Variants in TYR observed in about 807,000 individuals in gnomAD.
TYR encodes the protein LB24-AB.
In TYR, 58 loss-of-function variants were observed where a neutral mutation model predicts 51.5. The observed-to-expected ratio is 1.13, with a 90% confidence interval of 0.91 to 1.40. The LOEUF is 1.40. TYR is among the 40% of genes most tolerant of loss of function. The pLI is 0.00. For synonymous variants in TYR, 263 were observed against 235.2 expected (o/e 1.12, Z -1.08); for missense variants, 732 against 647.4 (o/e 1.13, Z -1.42).
At chr11:89,207,274 A>G (rs540366861) in intron 2 of TYR, among the ~76,000 whole-genome samples, 1 of 152,298 alleles carries the variant, frequency 6.6e-6, no homozygotes, top group South Asian at 2.1e-4. Flanking sequence ...AATATCAAGA[A>G]TCAAAAAAGG....
rs1328940863 is a variant in TYR at position 89,285,829 on chromosome 11, A to G, written c.1366+875A>G. On this transcript the variant is annotated intron_variant, in intron 4 of 4. Transcript: ENST00000263321. Reference sequence around the variant, plus strand: ...GTCCTCCTCATCTCACCGCACTGTAATTCACCTAACGCATGAGGGTTAATT... The same window carrying G: ...GTCCTCCTCATCTCACCGCACTGTAGTTCACCTAACGCATGAGGGTTAATT... Among the ~76,000 whole-genome samples, 3 of 151,968 alleles carry G rather than the reference A, an allele frequency of 2.0e-5. No homozygotes were observed. The East Asian group carries it at 5.8e-4, about 30-fold the overall frequency.
chr11:89,239,762 G>A (rs1238020472), intron 3 of TYR, among the ~76,000 whole-genome samples: 2 of 151,892 alleles, frequency 1.3e-5, no homozygotes, highest in African/African-American at 4.8e-5. Flanking sequence ...TTCTCTAAAG[G>A]TTTTAAATTT....
chr11:89,187,856 T>C (rs898966726), intron 1 of TYR, among the ~76,000 whole-genome samples: 1 of 151,962 alleles, frequency 6.6e-6, no homozygotes, highest in Non-Finnish European at 1.5e-5. Flanking sequence ...TATATTTTGA[T>C]AGAGTTTATC....
chr11:89,192,993 T>A (rs1943466315), intron 2 of TYR, among the ~76,000 whole-genome samples: 5 of 152,136 alleles, frequency 3.3e-5, no homozygotes, highest in African/African-American at 9.7e-5. Flanking sequence ...GTTGAGAGTT[T>A]CTTTAAAGTG....
At chr11:89,236,656 A>C (rs1220804812) in intron 3 of TYR, among the ~76,000 whole-genome samples, 1 of 152,120 alleles carries the variant, frequency 6.6e-6, no homozygotes, top group African/African-American at 2.4e-5. Flanking sequence ...ATGAAGACTC[A>C]TTTTTCCGAT....
chr11:89,228,035 G>A (rs1041543440), intron 3 of TYR, 65 bp downstream of exon 3: 3 of 1,578,488 alleles, frequency 1.9e-6, no homozygotes, highest in Non-Finnish European at 2.6e-6. Flanking sequence ...CCTATCAAAT[G>A]TGATTTAAGT....
intron 3 of TYR, among the ~76,000 whole-genome samples, chr11:89,277,669 G>T (rs1233043060): frequency 2.0e-5 from 3 of 151,640 alleles, no homozygotes; most frequent in Non-Finnish European, 3.0e-5. Context: ...TTCTTCAGGG[G>T]TTTCTGCATC....
intron 2 of TYR, among the ~76,000 whole-genome samples, chr11:89,199,965 G>A (rs1485226330): frequency 6.6e-6 from 1 of 152,270 alleles, no homozygotes; most frequent in East Asian, 1.9e-4. Context: ...CAGGCATTAA[G>A]ACATATAGAC....
intron 1 of TYR, among the ~76,000 whole-genome samples, chr11:89,182,349 C>T (rs1214392724): frequency 6.6e-6 from 1 of 152,148 alleles, no homozygotes; most frequent in East Asian, 1.9e-4. Flanking sequence ...CCATTCACTG[C>T]AGTTTTTTTA....
At chr11:89,273,024 C>T (rs112146461) in intron 3 of TYR, among the ~76,000 whole-genome samples, 9 of 151,872 alleles carry the variant, frequency 5.9e-5, no homozygotes, top group African/African-American at 1.7e-4. Flanking sequence ...TTCTTCATAT[C>T]GGCAATAAGG....
intron 4 of TYR, among the ~76,000 whole-genome samples, chr11:89,286,675 T>C (rs1369220651): frequency 1.3e-5 from 2 of 151,948 alleles, no homozygotes; most frequent in East Asian, 3.9e-4. Context: ...ATTGAACTTT[T>C]CTGCTTTATC....
chr11:89,285,036 G>C, intron 4 of TYR, 82 bp downstream of exon 4: 1 of 1,203,120 alleles, frequency 8.3e-7, no homozygotes, highest in Non-Finnish European at 1.2e-6. Flanking sequence ...TTTATGCTTC[G>C]ACAATGTTAT....
chr11:89,224,790 A>G lies in TYR; in HGVS notation c.1037-3033A>G, dbSNP rs1026116743. On this transcript the variant is annotated intron_variant, in intron 2 of 4. Coordinates refer to ENST00000263321, the MANE Select transcript of TYR (RefSeq NM_000372.5). ...CCGAAACATTGGTGCTAGTGTTGCCAACATGTATAACTTTAATTACTAGGC... is the reference window on the plus strand; with the variant it reads ...CCGAAACATTGGTGCTAGTGTTGCCGACATGTATAACTTTAATTACTAGGC... Among the ~76,000 whole-genome samples, 3 of 152,190 alleles carry G rather than the reference A, an allele frequency of 2.0e-5. No homozygotes were observed. In the East Asian group the frequency reaches 5.8e-4, roughly 29 times the overall value.
At chr11:89,264,012 G>A (rs1285930792) in intron 3 of TYR, among the ~76,000 whole-genome samples, 1 of 152,006 alleles carries the variant, frequency 6.6e-6, no homozygotes, top group Non-Finnish European at 1.5e-5. Flanking sequence ...TGCTCTTAAT[G>A]TTGTAGTAGA....
intron 2 of TYR, among the ~76,000 whole-genome samples, chr11:89,204,083 C>A (rs764066593): frequency 6.6e-6 from 1 of 152,208 alleles, no homozygotes; most frequent in Non-Finnish European, 1.5e-5. Flanking sequence ...ACCTGCAATT[C>A]TATCCCCACC....
At chr11:89,187,146 G>C (rs1943385565) in intron 1 of TYR, among the ~76,000 whole-genome samples, 2 of 152,120 alleles carry the variant, frequency 1.3e-5, no homozygotes, top group South Asian at 4.1e-4. Context: ...ACTATAGACT[G>C]AGACTGTGGG....
At chr11:89,240,975 A>C (rs1318223645) in intron 3 of TYR, among the ~76,000 whole-genome samples, 1 of 152,224 alleles carries the variant, frequency 6.6e-6, no homozygotes, top group Admixed American at 6.5e-5. Flanking sequence ...TGGGGTTGAA[A>C]AGTTTGAGAA....
intron 1 of TYR, among the ~76,000 whole-genome samples, chr11:89,188,288 T>G (rs903750618): frequency 2.0e-5 from 3 of 151,960 alleles, no homozygotes; most frequent in Non-Finnish European, 4.4e-5. Context: ...AAATAAAAAC[T>G]ATGTTTATCG....
At chr11:89,252,540 A>G (rs1944342457) in intron 3 of TYR, among the ~76,000 whole-genome samples, 1 of 151,840 alleles carries the variant, frequency 6.6e-6, no homozygotes, top group Non-Finnish European at 1.5e-5. Context: ...CTACAAGTCA[A>G]AGGAAGATTT....
Sources: gnomAD v4.1 joint callset for allele counts (sites outside exome capture counted in the v4.1 genomes callset) on GRCh38, gnomAD v4.1.1 for gene constraint, MANE v1.5 for transcripts, NCBI Gene and HGNC (gene_info 2026-07-23, HGNC 2026-07-21) for gene names.